Variants in SPOCK3 observed in about 807,000 individuals in gnomAD.
SPOCK3 encodes SPARC (osteonectin), cwcv and kazal like domains proteoglycan 3.
A neutral mutation model predicts 56.6 loss-of-function variants in SPOCK3; 30 were observed. That is an observed-to-expected ratio of 0.53 (90% confidence interval 0.40 to 0.72). SPOCK3 has a LOEUF of 0.72. Among genes scored for constraint, SPOCK3 ranks in the 30% least tolerant of loss-of-function variants. SPOCK3 has a pLI of 0.00. For missense variants in SPOCK3, 527 were observed against 530.0 expected (o/e 0.99, Z 0.06); for synonymous variants, 196 against 183.3 (o/e 1.07, Z -0.56).
intron 2 of SPOCK3, among the ~76,000 whole-genome samples, chr4:167,171,552 T>A (rs1730497921): frequency 6.6e-6 from 1 of 152,164 alleles, no homozygotes; most frequent in Admixed American, 6.6e-5. Flanking sequence ...AATAATATAA[T>A]GTACTCATTA....
intron 10 of SPOCK3, among the ~76,000 whole-genome samples, chr4:166,735,375 T>C (rs901330686): frequency 3.3e-5 from 5 of 152,076 alleles, no homozygotes; most frequent in African/African-American, 1.2e-4. Context: ...TAGAAATTCA[T>C]GTCAGACTGT....
intron 4 of SPOCK3, among the ~76,000 whole-genome samples, chr4:166,970,584 C>T (rs6553451): frequency 0.35 from 52,616 of 151,432 alleles, 10,835 homozygotes; most frequent in African/African-American, 0.58. Context: ...ATTAGCCAGG[C>T]GAGGTAGGTG....
At chr4:167,208,343 C>T (rs948504031) in intron 2 of SPOCK3, among the ~76,000 whole-genome samples, 3 of 152,106 alleles carry the variant, frequency 2.0e-5, no homozygotes, top group Admixed American at 1.3e-4. Flanking sequence ...TAGTTGTTCC[C>T]TCTGTGAGCA....
At chr4:166,995,245 A>ATGTG (rs111990523) in intron 4 of SPOCK3, among the ~76,000 whole-genome samples, 18,234 of 150,434 alleles carry the variant, frequency 0.12, 1,066 homozygotes, top group East Asian at 0.17. Context: ...GCATGTATGT[A>ATGTG]TGTATGTGTG....
At chr4:166,937,173 G>A (rs879574550) in intron 4 of SPOCK3, among the ~76,000 whole-genome samples, 21 of 151,994 alleles carry the variant, frequency 1.4e-4, no homozygotes, top group Non-Finnish European at 2.8e-4. Flanking sequence ...ATAAGCACTT[G>A]AGAGGCACAA....
At chr4:167,205,758 G>A (rs1306160749) in intron 2 of SPOCK3, among the ~76,000 whole-genome samples, 1 of 147,474 alleles carries the variant, frequency 6.8e-6, no homozygotes, top group Non-Finnish European at 1.5e-5. Flanking sequence ...GATTACAGGC[G>A]CGCCACCATG....
At chr4:166,896,962 G>A (rs1735450822) in intron 5 of SPOCK3, among the ~76,000 whole-genome samples, 2 of 152,012 alleles carry the variant, frequency 1.3e-5, no homozygotes, top group Admixed American at 6.6e-5. Context: ...GAGCCAGGGA[G>A]GGCAGGGGAA....
At chr4:167,006,348 C>G (rs1049796383) in intron 3 of SPOCK3, among the ~76,000 whole-genome samples, 1 of 152,004 alleles carries the variant, frequency 6.6e-6, no homozygotes, top group African/African-American at 2.4e-5. Context: ...AAACAATGTC[C>G]TGTGATCAGC....
intron 8 of SPOCK3, among the ~76,000 whole-genome samples, chr4:166,750,171 C>A (rs1025475476): frequency 1.3e-5 from 2 of 152,114 alleles, no homozygotes; most frequent in Admixed American, 6.6e-5. Flanking sequence ...AAACTATTTT[C>A]TTATTATTTA....
chr4:167,184,995 A>G (rs1055714564), intron 2 of SPOCK3, among the ~76,000 whole-genome samples: 11 of 152,194 alleles, frequency 7.2e-5, no homozygotes, highest in African/African-American at 2.7e-4. Context: ...TCCCTATTTC[A>G]AACAAACAAG....
intron 4 of SPOCK3, among the ~76,000 whole-genome samples, chr4:166,993,285 TC>T (rs1286753882): frequency 1.3e-5 from 2 of 151,724 alleles, no homozygotes; most frequent in Non-Finnish European, 1.5e-5. Context: ...CTATGCTCAC[TC>T]AAAAAAAATT....
chr4:166,955,671 G>C (rs146031953), intron 4 of SPOCK3, among the ~76,000 whole-genome samples: 3,805 of 143,412 alleles, frequency 0.027, 154 homozygotes, highest in African/African-American at 0.09. Flanking sequence ...ATAATATATA[G>C]AGAAATATAA....
chr4:166,745,959 C>A (rs368142192), intron 8 of SPOCK3, among the ~76,000 whole-genome samples: 2 of 152,286 alleles, frequency 1.3e-5, no homozygotes. Flanking sequence ...TATATGAACT[C>A]AATACAGGAG....
intron 3 of SPOCK3, among the ~76,000 whole-genome samples, chr4:167,025,310 C>T (rs1283279741): frequency 1.3e-5 from 2 of 151,740 alleles, no homozygotes; most frequent in Non-Finnish European, 2.9e-5. Context: ...ACCAGCAGGC[C>T]AAGCCTACCA....
At chr4:167,063,555 G>T (rs1255821206) in intron 2 of SPOCK3, among the ~76,000 whole-genome samples, 4 of 151,808 alleles carry the variant, frequency 2.6e-5, no homozygotes, top group Non-Finnish European at 5.9e-5. Flanking sequence ...AATGTAAGGG[G>T]TATAAATGCG....
chr4:166,891,440 G>C (rs753625412), intron 5 of SPOCK3, among the ~76,000 whole-genome samples: 1 of 151,926 alleles, frequency 6.6e-6, no homozygotes, highest in Non-Finnish European at 1.5e-5. Context: ...TTAATGGACA[G>C]TTGAAATTCT....
chr4:166,747,222 G>A lies in SPOCK3; in HGVS notation c.932-5163C>T, dbSNP rs564255488. 5.9e-5 allele frequency among the ~76,000 whole-genome samples: 9 copies of A among 152,262 alleles called. No individual in the cohort carries two copies. The East Asian group carries it at 1.5e-3, about 26-fold the overall frequency. ...GCCAACATCGCTGATGAACATTGAT[G>A]CAAAAATCCTCAGTAAAATACTGGC... is the stretch of plus-strand genomic sequence containing the variant. On this transcript the variant is annotated intron_variant, in intron 8 of 10. Transcript: ENST00000357545.
intron 5 of SPOCK3, among the ~76,000 whole-genome samples, chr4:166,910,630 A>T (rs1304137767): frequency 6.6e-6 from 1 of 152,140 alleles, no homozygotes; most frequent in South Asian, 2.1e-4. Context: ...TTGGTGTCCT[A>T]TGAAACTAAA....
chr4:166,811,168 T>C (rs1014542206), intron 6 of SPOCK3, among the ~76,000 whole-genome samples: 2 of 151,892 alleles, frequency 1.3e-5, no homozygotes, highest in African/African-American at 4.8e-5. Flanking sequence ...AACTTTTGTC[T>C]TTTGTAATCC....
Sources: allele counts gnomAD v4.1 joint callset (sites outside exome capture counted in the v4.1 genomes callset), GRCh38; gene constraint gnomAD v4.1.1; transcripts MANE v1.5; gene names NCBI Gene and HGNC (gene_info 2026-07-23, HGNC 2026-07-21).